The following ZNF174 variants were observed in gnomAD, a reference collection of about 807,000 sequenced individuals.
ZNF174 encodes the protein zinc finger protein 174.
A neutral mutation model predicts 38.7 loss-of-function variants in ZNF174; 30 were observed. The ratio of observed to expected loss-of-function variants is 0.78; its 90% CI spans 0.58 to 1.05. ZNF174 has a LOEUF of 1.05. Among genes scored for constraint, ZNF174 ranks in the 50% least tolerant of loss-of-function variants. The pLI, the probability that ZNF174 is intolerant of heterozygous loss-of-function variation, is 0.00. For synonymous variants in ZNF174, 201 were observed against 181.7 expected (o/e 1.11, Z -0.86); for missense variants, 499 against 495.6 (o/e 1.01, Z -0.06).
chr16:3,404,946 A>C (rs1363513512), intron 2 of ZNF174: 1 of 1,614,236 alleles, frequency 6.2e-7, no homozygotes, highest in South Asian at 1.1e-5. Context: ...ATATGGCCAC[A>C]GATGAACTTC....
chr16:3,405,001 T>C (rs2150924090), intron 2 of ZNF174: 1 of 1,612,206 alleles, frequency 6.2e-7, no homozygotes, highest in Non-Finnish European at 8.5e-7. Flanking sequence ...TGCTCCTCTG[T>C]TTAGAGGGGC....
rs753071209 is a variant in ZNF174 at position 3,403,150 on chromosome 16, C to CTTTTTTTT, written c.402+774_402+781dup. Among the ~76,000 whole-genome samples, 5 of 30,974 alleles carry CTTTTTTTT rather than the reference C, an allele frequency of 1.6e-4. 1 individual carries two copies. The highest frequency in any genetic ancestry group is 4.4e-4 in the African/African-American group (3 of 6,892). 20.3% of individuals were successfully genotyped at this position (30,974 alleles called of 152,430 possible). A position where few individuals can be genotyped will look rare whatever the true frequency, so the allele number is the denominator to read the frequency against. On this transcript the variant is annotated intron_variant, in intron 1 of 2. Transcript: ENST00000268655. Reference sequence around the variant, plus strand: ...GTCTTTCCAGTGTTTAGCTTATAGTCTTTTTTTTTTTTTTTTTTTTTTTTT... The same window carrying CTTTTTTTT: ...GTCTTTCCAGTGTTTAGCTTATAGTCTTTTTTTTTTTTTTTTTTTTTTTTTTTTTTTTT...
At chr16:3,403,081 T>C (rs1280608513) in intron 1 of ZNF174, among the ~76,000 whole-genome samples, 2 of 150,044 alleles carry the variant, frequency 1.3e-5, no homozygotes, top group Non-Finnish European at 3.0e-5. Context: ...TGGGTAGCAG[T>C]TGGACTTTGG....
Position 3,409,093 on chromosome 16 carries a change from C to T in ZNF174, c.*174C>T, listed in dbSNP as rs902876046. The T allele has an allele frequency of 1.0e-4, 69 of 683,222 alleles. No individual in the cohort carries two copies. Among genetic ancestry groups the T allele is most frequent in the Non-Finnish European group, 1.6e-4 (65 of 406,626 alleles). The allele number at this position is 683,222 out of a possible 1,614,324, so 42.3% of individuals were successfully genotyped here. ...CCAGAAAAGGCCAACCAGGGCCCAA[C>T]CGTGCATGATGACAGGGTGAAGAGA... On this transcript the variant is annotated 3_prime_UTR_variant, in exon 3 of 3. Coordinates refer to ENST00000268655, the MANE Select transcript of ZNF174 (RefSeq NM_003450.3).
intron 1 of ZNF174, among the ~76,000 whole-genome samples, chr16:3,403,590 T>C (rs1280434943): frequency 6.6e-6 from 1 of 151,942 alleles, no homozygotes; most frequent in Non-Finnish European, 1.5e-5. Flanking sequence ...GCTCAAGTGT[T>C]CCTCACACCT....
At chr16:3,402,431 C>G (rs781758972) in intron 1 of ZNF174, 25 bp downstream of exon 1, 2 of 1,554,476 alleles carry the variant, frequency 1.3e-6, no homozygotes, top group Non-Finnish European at 1.7e-6. Context: ...CTCCCATCAT[C>G]CTGGGGATTT....
In ZNF174 at chr16:3,408,870, G is replaced by T; in HGVS notation, c.1175G>T (p.Arg392Leu). Residue 392 changes from arginine (R) to leucine (L), a missense_variant, in exon 3 of 3, where the codon CGC becomes CTC. Coordinates refer to ENST00000268655, the MANE Select transcript of ZNF174 (RefSeq NM_003450.3). ...TGTGGCCAGTGTGGGAAAAGCTTTC[G>T]CCAGAGCTCAAACCTTCACCAGCAT... ...YQCGQCGKSF[R>L]QSSNLHQHHR... The T allele has an allele frequency of 6.2e-7, 1 of 1,613,884 alleles. No homozygotes were observed. Among genetic ancestry groups the T allele is most frequent in the Non-Finnish European group, 8.5e-7 (1 of 1,179,854 alleles).
rs1351722465 is a variant in ZNF174, at chr16:3,408,919, A to T, written c.1224A>T (p.Ter408TyrextTer7). 1 of 1,602,524 alleles carries T rather than the reference A, an allele frequency of 6.2e-7. No homozygotes were observed. The highest frequency in any genetic ancestry group is 8.5e-7 in the Non-Finnish European group (1 of 1,173,034). Residue 408 changes from the stop codon to tyrosine, a stop_lost, in exon 3 of 3, where the codon TAA becomes TAT. Transcript: ENST00000268655. Reference sequence around the variant, plus strand: ...ATCACCGACTTCACCATGGGGACTAAAAGGAGCACTCCATGCTTTAGATTC... The same window carrying T: ...ATCACCGACTTCACCATGGGGACTATAAGGAGCACTCCATGCTTTAGATTC... ...HQHHRLHHGD[*>Y]
At chr16:3,405,211 G>T in intron 2 of ZNF174, 2 of 765,754 alleles carry the variant, frequency 2.6e-6, no homozygotes, top group Non-Finnish European at 3.8e-6. Context: ...GTGAATACAA[G>T]ATACAGTGAG....
chr16:3,407,441 G>A (rs1351097748), intron 2 of ZNF174, among the ~76,000 whole-genome samples: 2 of 152,086 alleles, frequency 1.3e-5, no homozygotes, highest in Non-Finnish European at 2.9e-5. Flanking sequence ...GAATTGTCTT[G>A]TCAAAAAGCA....
Position 3,401,945 on chromosome 16 carries a change from G to A in ZNF174, c.-60G>A. On this transcript the variant is annotated 5_prime_UTR_variant, in exon 1 of 3. Transcript: ENST00000268655. ...TTCTAGTATTCAGAGACTTCTCCAG[G>A]GTCATGATCCCAAAGGCTTAACCCG... The A allele has an allele frequency of 6.4e-7, 1 of 1,570,714 alleles. No homozygotes were observed. Among genetic ancestry groups the A allele is most frequent in the Non-Finnish European group, 8.6e-7 (1 of 1,164,794 alleles).
chr16:3,402,454 T>TTTC, intron 1 of ZNF174, 48 bp downstream of exon 1: 11 of 1,070,154 alleles, frequency 1.0e-5, no homozygotes, highest in Non-Finnish European at 1.3e-5. Flanking sequence ...TTTTCTTTTC[T>TTTC]TTTTTTTTTT....
chr16:3,406,558 C>T (rs2034058915), intron 2 of ZNF174, among the ~76,000 whole-genome samples: 1 of 152,192 alleles, frequency 6.6e-6, no homozygotes, highest in Non-Finnish European at 1.5e-5. Flanking sequence ...TTTTCATGTG[C>T]TTATTATCCA....
At chr16:3,405,326 T>C (rs2034040165) in intron 2 of ZNF174, among the ~76,000 whole-genome samples, 1 of 152,222 alleles carries the variant, frequency 6.6e-6, no homozygotes, top group Non-Finnish European at 1.5e-5. Flanking sequence ...GCTGCTAATA[T>C]AAAATGCTAG....
At position 3,408,007 on chromosome 16, in the gene ZNF174, T is replaced by C. The variant is rs371937379; in HGVS notation, c.626-314T>C. On this transcript the variant is annotated intron_variant, in intron 2 of 2. Coordinates refer to ENST00000268655, the MANE Select transcript of ZNF174 (RefSeq NM_003450.3). ...GGTTTGCTTTTCCCTGTTCTTCATT[T>C]CCTAAACCTTTCCCTAAAGGGAGAA... Among the ~76,000 whole-genome samples, 17 of 152,312 alleles carry C rather than the reference T, an allele frequency of 1.1e-4. 1 individual carries two copies. The East Asian group carries it at 2.5e-3, about 22-fold the overall frequency.
rs760428666 is a variant in ZNF174, at chr16:3,408,485, G to T, written c.790G>T (p.Val264Phe). ...TGAACCTCGGTTGTCACGGAGGCAG[G>T]TCAGCTCCCCAAATGCTCAAAAGCC... The part of the protein sequence containing the change: ...MSEPRLSRRQ[V>F]SSPNAQKPFA... The change falls in exon 3 of 3, where the codon GTC becomes TTC. Residue 264 changes from valine to phenylalanine, a missense_variant. Transcript: ENST00000268655. 1.2e-6 allele frequency: 2 copies of T among 1,614,100 alleles called. No individual in the cohort carries two copies. Among genetic ancestry groups the T allele is most frequent in the Non-Finnish European group, 1.7e-6 (2 of 1,180,022 alleles).
intron 2 of ZNF174, among the ~76,000 whole-genome samples, chr16:3,407,416 T>C (rs1331375652): frequency 6.6e-6 from 1 of 152,216 alleles, no homozygotes; most frequent in Admixed American, 6.5e-5. Context: ...TGAAAAAGAC[T>C]ATTCTTTTCC....
At position 3,405,495 on chromosome 16, in the gene ZNF174, C is replaced by T. The variant is rs117643957; in HGVS notation, c.625+847C>T. The stretch of plus-strand genomic sequence containing the variant: ...GTCCTCATGTGGCAGAAGGGGAAGA[C>T]AGGCTCCCGTGGGGCTCTTTCATGA... On this transcript the variant is annotated intron_variant, in intron 2 of 2. Transcript: ENST00000268655. 7.6e-3 allele frequency among the ~76,000 whole-genome samples: 1,161 copies of T among 152,236 alleles called. 6 individuals are homozygous for T. The highest frequency in any genetic ancestry group is 0.024 in the Middle Eastern group (7 of 294).
chr16:3,408,929 TC>T lies in ZNF174; in HGVS notation c.*12del. 6.3e-7 allele frequency: 1 copy of T among 1,588,578 alleles called. No individual in the cohort carries two copies. The highest frequency in any genetic ancestry group is 1.8e-5 in the Admixed American group (1 of 56,416). On this transcript the variant is annotated 3_prime_UTR_variant, in exon 3 of 3. Coordinates refer to ENST00000268655, the MANE Select transcript of ZNF174 (RefSeq NM_003450.3). Reference sequence around the variant, plus strand: ...TCACCATGGGGACTAAAAGGAGCACTCCATGCTTTAGATTCACACGGAAGGT... The same window carrying T: ...TCACCATGGGGACTAAAAGGAGCACTCATGCTTTAGATTCACACGGAAGGT...
Sources: gnomAD v4.1 joint callset for allele counts (sites outside exome capture counted in the v4.1 genomes callset) on GRCh38, gnomAD v4.1.1 for gene constraint, MANE v1.5 for transcripts, NCBI Gene and HGNC (gene_info 2026-07-23, HGNC 2026-07-21) for gene names.